The following DMD variants were observed in gnomAD, a reference collection of about 807,000 sequenced individuals.
The protein encoded by DMD is mutant dystrophin.
DMD carries 63 observed loss-of-function variants against 330.1 expected under a neutral mutation model. That is an observed-to-expected ratio of 0.19 (90% CI 0.16 to 0.24). DMD has a LOEUF of 0.24. DMD is among the 10% of genes least tolerant of loss of function. DMD has a pLI of 1.00. For synonymous variants in DMD, 1,223 were observed against 959.8 expected (o/e 1.27, Z -5.07); for missense variants, 3,344 against 2,684.1 (o/e 1.25, Z -5.43).
At chrX:32,049,013 T>G (rs749877727) in intron 44 of DMD, among the ~76,000 whole-genome samples, 11 of 110,957 alleles carry the variant, frequency 9.9e-5, no homozygotes, top group Middle Eastern at 9.3e-3. Flanking sequence ...GCGGGATACT[T>G]GAGAACGAGA....
At chrX:32,885,146 A>G (rs1463726218) in intron 2 of DMD, among the ~76,000 whole-genome samples, 1 of 111,868 alleles carries the variant, frequency 8.9e-6, no homozygotes, top group Non-Finnish European at 1.9e-5. Flanking sequence ...CATAAAGACA[A>G]TATTTCCTAT....
At chrX:31,845,543 C>T (rs1335529570) in intron 48 of DMD, among the ~76,000 whole-genome samples, 1 of 109,708 alleles carries the variant, frequency 9.1e-6, no homozygotes, top group East Asian at 2.9e-4. Flanking sequence ...ATAACTCTAG[C>T]GGCAGATTGG....
At chrX:32,111,247 T>C (rs1483263257) in intron 44 of DMD, among the ~76,000 whole-genome samples, 1 of 112,149 alleles carries the variant, frequency 8.9e-6, no homozygotes, top group African/African-American at 3.2e-5. Context: ...CCCTACATTT[T>C]ATTGCCATCT....
intron 44 of DMD, among the ~76,000 whole-genome samples, chrX:32,038,958 C>T (rs2095975343): frequency 9.0e-6 from 1 of 111,198 alleles, no homozygotes; most frequent in African/African-American, 3.3e-5. Flanking sequence ...GAGATAACTC[C>T]TGAATAGAGA....
chrX:33,166,827 T>TTAAACTGTC (rs2049081292), intron 1 of DMD, among the ~76,000 whole-genome samples: 2 of 109,977 alleles, frequency 1.8e-5, no homozygotes, highest in South Asian at 7.7e-4. Flanking sequence ...AATGAGCAAT[T>TTAAACTGTC]TAAACTGTCT....
intron 18 of DMD, among the ~76,000 whole-genome samples, chrX:32,512,470 T>G (rs746796462): frequency 1.8e-5 from 2 of 112,099 alleles, no homozygotes; most frequent in South Asian, 7.4e-4. Flanking sequence ...AAATCACATA[T>G]CCATATAGTT....
rs376516767 is a variant in DMD at position 32,195,929 on chromosome X, T to C, written c.6438+20987A>G. Among the ~76,000 whole-genome samples the C allele has an allele frequency of 2.1e-3, 240 of 112,010 alleles. 10 individuals carry two copies. In the South Asian group the frequency reaches 0.088, roughly 41 times the overall value. ...AAAACAGTCTATAAGACTAAGCATATATAAGGCTGCCAAAGAAGTCATTTG... is the reference window on the plus strand; with the variant it reads ...AAAACAGTCTATAAGACTAAGCATACATAAGGCTGCCAAAGAAGTCATTTG... On this transcript the variant is annotated intron_variant, in intron 44 of 78. Transcript: ENST00000357033.
At chrX:32,926,962 G>C (rs1308862011) in intron 2 of DMD, among the ~76,000 whole-genome samples, 6 of 110,918 alleles carry the variant, frequency 5.4e-5, no homozygotes, top group African/African-American at 2.0e-4. Context: ...ACATTTACTA[G>C]GTTGTTATAA....
chrX:33,153,495 A>G (rs1449670474), intron 1 of DMD, among the ~76,000 whole-genome samples: 2 of 112,862 alleles, frequency 1.8e-5, no homozygotes, highest in Non-Finnish European at 3.7e-5. Context: ...TTACTACCTT[A>G]ATGTTACGCA....
intron 77 of DMD, among the ~76,000 whole-genome samples, chrX:31,128,577 C>A (rs1015960498): frequency 8.9e-6 from 1 of 112,265 alleles, no homozygotes; most frequent in Non-Finnish European, 1.9e-5. Flanking sequence ...AACGATGATT[C>A]TTTGAATGCT....
chrX:32,848,393 T>A (rs1177161915), intron 3 of DMD, among the ~76,000 whole-genome samples: 4 of 112,004 alleles, frequency 3.6e-5, no homozygotes, highest in African/African-American at 9.7e-5. Flanking sequence ...AATCTATCTC[T>A]AACTAGTGAA....
chrX:31,971,381 C>T (rs922796683), intron 44 of DMD, among the ~76,000 whole-genome samples: 22 of 111,688 alleles, frequency 2.0e-4, no homozygotes, highest in African/African-American at 6.8e-4. Flanking sequence ...TTTATTATTT[C>T]GGTTTCCCAA....
chrX:31,506,964 T>C (rs2071012993), intron 56 of DMD, among the ~76,000 whole-genome samples: 1 of 112,057 alleles, frequency 8.9e-6, no homozygotes, highest in Non-Finnish European at 1.9e-5. Context: ...TCACTTTTTG[T>C]ATAACCCTGT....
intron 44 of DMD, among the ~76,000 whole-genome samples, chrX:32,128,042 C>T (rs778148735): frequency 1.5e-4 from 17 of 112,198 alleles, no homozygotes; most frequent in African/African-American, 5.2e-4. Context: ...ATGCAAGACA[C>T]AGAAAATAGG....
chrX:31,626,740 C>A (rs1390358560), intron 55 of DMD, among the ~76,000 whole-genome samples: 1 of 111,666 alleles, frequency 9.0e-6, no homozygotes, highest in Non-Finnish European at 1.9e-5. Flanking sequence ...TGATTTGATT[C>A]TGGAATTATT....
At chrX:31,527,767 T>C (rs930670832) in intron 55 of DMD, among the ~76,000 whole-genome samples, 13 of 111,772 alleles carry the variant, frequency 1.2e-4, no homozygotes, top group Admixed American at 4.7e-4. Flanking sequence ...TTACAAAGTA[T>C]GTTCTTGAAA....
chrX:32,268,652 C>A (rs2148333020), intron 43 of DMD, among the ~76,000 whole-genome samples: 1 of 111,788 alleles, frequency 8.9e-6, no homozygotes, highest in African/African-American at 3.3e-5. Context: ...TGTAAGAACC[C>A]AAACTGAGAC....
intron 44 of DMD, among the ~76,000 whole-genome samples, chrX:32,154,872 G>C (rs2096822980): frequency 9.2e-6 from 1 of 108,131 alleles, no homozygotes; most frequent in African/African-American, 3.4e-5. Flanking sequence ...AAAAAAAATT[G>C]CCTGTTACTG....
intron 7 of DMD, among the ~76,000 whole-genome samples, chrX:32,703,591 A>G (rs2064331609): frequency 9.0e-6 from 1 of 111,683 alleles, no homozygotes; most frequent in Non-Finnish European, 1.9e-5. Context: ...TATAAACATT[A>G]CTTTTTATGG....
Sources: allele counts gnomAD v4.1 joint callset (sites outside exome capture counted in the v4.1 genomes callset), GRCh38; gene constraint gnomAD v4.1.1; transcripts MANE v1.5; gene names NCBI Gene and HGNC (gene_info 2026-07-23, HGNC 2026-07-21).